The following TIPIN variants were observed in gnomAD, a reference collection of about 807,000 sequenced individuals.
TIPIN encodes the protein TIMELESS-interacting protein.
Under a neutral mutation model 35.6 loss-of-function variants are expected in TIPIN, and 29 were observed. The ratio of observed to expected loss-of-function variants is 0.82; its 90% CI spans 0.61 to 1.11. TIPIN has a LOEUF of 1.11. TIPIN is among the 50% of genes most tolerant of loss of function. The pLI, the probability that TIPIN is intolerant of heterozygous loss-of-function variation, is 0.00. For missense variants in TIPIN, 296 were observed against 345.4 expected (o/e 0.86, Z 1.13); for synonymous variants, 102 against 121.5 (o/e 0.84, Z 1.06).
At chr15:66,379,900 T>TTA in intron 1 of TIPIN, 1 of 1,557,226 alleles carries the variant, frequency 6.4e-7, no homozygotes, top group Non-Finnish European at 8.7e-7. Context: ...GTCTGATTAA[T>TTA]GAGAATGGTC....
intron 1 of TIPIN, among the ~76,000 whole-genome samples, chr15:66,366,154 A>C (rs916760145): frequency 1.9e-4 from 21 of 112,326 alleles, no homozygotes; most frequent in African/African-American, 6.8e-4. Context: ...AGTCCCTCCC[A>C]AAAAAAAAAA....
chr15:66,382,216 T>C, intron 1 of TIPIN: 1 of 339,036 alleles, frequency 2.9e-6, no homozygotes, highest in Non-Finnish European at 4.2e-6. Context: ...AGTATAATTC[T>C]CATTTTATAG....
chr15:66,349,523 C>T (rs1464203604), intron 4 of TIPIN, 86 bp from the exon 5 acceptor site: 1 of 1,499,570 alleles, frequency 6.7e-7, no homozygotes, highest in Non-Finnish European at 8.9e-7. Context: ...AAAAGCTATG[C>T]CAAAATCACT....
intron 1 of TIPIN, 40 bp from the exon 2 acceptor site, chr15:66,352,995 T>C (rs1440664971): frequency 6.3e-7 from 1 of 1,587,656 alleles, no homozygotes; most frequent in Admixed American, 1.7e-5. Context: ...TCATCCAAAA[T>C]AGTCTCCACT....
chr15:66,339,148 A>G lies in TIPIN; in HGVS notation c.683-1967T>C, dbSNP rs1387492100. ...CTCCATCTCAAAAAAAAAAAAAAAA[A>G]AAAAAAAAAGCAAAAAGAAAAAGTA... On this transcript the variant is annotated intron_variant, in intron 7 of 7. Transcript: ENST00000261881. Among the ~76,000 whole-genome samples the G allele has an allele frequency of 2.5e-3, 138 of 55,706 alleles. 7 individuals carry two copies. Among genetic ancestry groups the G allele is most frequent in the Middle Eastern group, 0.015 (2 of 134 alleles). 36.5% of individuals were successfully genotyped at this position (55,706 alleles called of 152,430 possible).
At chr15:66,374,569 T>C (rs2093289219) in intron 1 of TIPIN, among the ~76,000 whole-genome samples, 1 of 151,582 alleles carries the variant, frequency 6.6e-6, no homozygotes, top group Admixed American at 6.6e-5. Context: ...GCTAATTTTT[T>C]TTGTTTGTTT....
chr15:66,379,163 A>C, intron 1 of TIPIN: 1 of 865,212 alleles, frequency 1.2e-6, no homozygotes, highest in Non-Finnish European at 1.7e-6. Context: ...TGCTGGAATC[A>C]CAGGCATGAG....
chr15:66,367,833 GTTTTTGTT>G (rs1190025148), intron 1 of TIPIN, among the ~76,000 whole-genome samples: 5 of 122,914 alleles, frequency 4.1e-5, no homozygotes, highest in Admixed American at 8.5e-5. Flanking sequence ...ATAAATCTTT[GTTTTTGTT>G]TTTTTTTTTT....
chr15:66,369,847 C>T (rs1166586140), intron 1 of TIPIN, among the ~76,000 whole-genome samples: 4 of 152,172 alleles, frequency 2.6e-5, no homozygotes, highest in Non-Finnish European at 5.9e-5. Context: ...TCATAGTTGC[C>T]TGATCACTGT....
chr15:66,369,351 A>ATTT (rs1178740176), intron 1 of TIPIN, among the ~76,000 whole-genome samples: 2 of 83,748 alleles, frequency 2.4e-5, no homozygotes, highest in Non-Finnish European at 4.6e-5. Context: ...AGTTCACAAT[A>ATTT]TCTTTTTTTT....
intron 1 of TIPIN, among the ~76,000 whole-genome samples, chr15:66,380,257 G>C (rs1178236825): frequency 6.7e-6 from 1 of 149,964 alleles, no homozygotes; most frequent in Admixed American, 6.6e-5. Flanking sequence ...ACCCCACCTC[G>C]GCCTCCCAAA....
intron 1 of TIPIN, among the ~76,000 whole-genome samples, chr15:66,370,335 T>A (rs193072130): frequency 2.0e-5 from 3 of 152,314 alleles, no homozygotes; most frequent in Admixed American, 1.3e-4. Context: ...TGCATCATCT[T>A]TCACCTTGTT....
intron 1 of TIPIN, among the ~76,000 whole-genome samples, chr15:66,385,892 C>A (rs1159695971): frequency 6.6e-6 from 1 of 152,072 alleles, no homozygotes; most frequent in African/African-American, 2.4e-5. Context: ...TCAAGTGATC[C>A]TCCAGCCTCA....
upstream of TIPIN, among the ~76,000 whole-genome samples, chr15:66,357,765 A>G (rs912219314): frequency 2.0e-5 from 3 of 151,994 alleles, no homozygotes; most frequent in Non-Finnish European, 4.4e-5. Context: ...AGACCAGCCT[A>G]GCCAACGTGG....
chr15:66,358,254 T>C (rs940129988), upstream of TIPIN, among the ~76,000 whole-genome samples: 1 of 151,878 alleles, frequency 6.6e-6, no homozygotes, highest in Non-Finnish European at 1.5e-5. Flanking sequence ...TGGGATAGAG[T>C]GGGATGGGAA....
intron 2 of TIPIN, 150 bp from the exon 3 acceptor site, chr15:66,352,357 GGT>G: frequency 1.6e-6 from 1 of 619,466 alleles, no homozygotes; most frequent in Non-Finnish European, 2.8e-6. Context: ...GGAGTGCAGT[GGT>G]GCGATCTTGG....
upstream of TIPIN, among the ~76,000 whole-genome samples, chr15:66,358,328 T>C (rs1262664547): frequency 6.6e-6 from 1 of 152,158 alleles, no homozygotes; most frequent in East Asian, 1.9e-4. Flanking sequence ...AATTTAAAAA[T>C]GTTATCTGAA....
At chr15:66,340,171 CTT>C (rs1213707475) in intron 7 of TIPIN, among the ~76,000 whole-genome samples, 490 of 69,510 alleles carry the variant, frequency 7.0e-3, no homozygotes, top group Non-Finnish European at 0.011. Flanking sequence ...TGCGCCTGGC[CTT>C]TTTTTTTTTT....
intron 1 of TIPIN, among the ~76,000 whole-genome samples, chr15:66,378,743 A>AT (rs138832748): frequency 0.32 from 46,603 of 146,052 alleles, 7,998 homozygotes; most frequent in Non-Finnish European, 0.39. Context: ...TTTCTTCCAT[A>AT]TTTTTTTTTT....
Sources: allele counts gnomAD v4.1 joint callset (sites outside exome capture counted in the v4.1 genomes callset), GRCh38; gene constraint gnomAD v4.1.1; transcripts MANE v1.5; gene names NCBI Gene and HGNC (gene_info 2026-07-23, HGNC 2026-07-21).